Variants in SLC35F5 observed in about 807,000 individuals in gnomAD.
SLC35F5 encodes the protein HCV NS5A-transactivated protein 3.
A neutral mutation model predicts 68.6 loss-of-function variants in SLC35F5; 54 were observed. The ratio of observed to expected loss-of-function variants is 0.79; its 90% CI spans 0.63 to 0.99. SLC35F5 has a LOEUF of 0.99. Among genes scored for constraint, SLC35F5 ranks in the 50% least tolerant of loss-of-function variants. SLC35F5 has a pLI of 0.00. For synonymous variants in SLC35F5, 211 were observed against 205.2 expected (o/e 1.03, Z -0.24); for missense variants, 567 against 626.9 (o/e 0.90, Z 1.02).
intron 9 of SLC35F5, chr2:113,733,516 T>C (rs923367796): frequency 2.4e-5 from 5 of 207,456 alleles, no homozygotes; most frequent in Non-Finnish European, 5.4e-5. Context: ...TGCAAAAATT[T>C]GCTCGGCTTA....
At position 113,734,565 on chromosome 2, in the gene SLC35F5, G is replaced by C. The variant is rs769806719; in HGVS notation, c.920+21C>G. ...TTGTATTTTTAAGCAGAGCAAACTA[G>C]CTATCACACTATATGCTTACCTTAA... On this transcript the variant is annotated intron_variant, in intron 9 of 15. Coordinates refer to ENST00000245680, the MANE Select transcript of SLC35F5 (RefSeq NM_025181.5). 16 of 1,333,714 alleles carry C rather than the reference G, an allele frequency of 1.2e-5. No homozygotes were observed. In the East Asian group the frequency reaches 3.5e-4, roughly 29 times the overall value. The allele number at this position is 1,333,714 out of a possible 1,614,324, so 82.6% of individuals were successfully genotyped here.
intron 7 of SLC35F5, chr2:113,742,289 C>T (rs1676306249): frequency 5.3e-6 from 1 of 190,456 alleles, no homozygotes; most frequent in Non-Finnish European, 1.1e-5. Context: ...AACTGCAAAA[C>T]ACTTATTTGA....
Position 113,755,299 on chromosome 2 carries a change from T to G in SLC35F5, c.139A>C (p.Met47Leu), listed in dbSNP as rs190986421. 54 of 1,613,988 alleles carry G rather than the reference T, an allele frequency of 3.3e-5. No homozygotes were observed. Among genetic ancestry groups the G allele is most frequent in the Non-Finnish European group, 1.4e-5 (17 of 1,179,928 alleles). The change falls in exon 3 of 16, where the codon ATG (methionine) becomes CTG (leucine). Residue 47 changes from methionine to leucine, a missense_variant. Transcript: ENST00000245680. The part of the protein sequence containing the change: ...LRRALKTRLQ[M>L]VCVFVMNRMN... ...CGGTTCATGACAAATACACACACCA[T>G]TTGCAGTCTGTTTTTTAGAAAATAC...
At chr2:113,746,113 C>A (rs1370651800) in intron 5 of SLC35F5, among the ~76,000 whole-genome samples, 164 bp downstream of exon 5, 1 of 152,066 alleles carries the variant, frequency 6.6e-6, no homozygotes, top group African/African-American at 2.4e-5. Flanking sequence ...CCCAGGTAAC[C>A]CTAAGGAGAA....
rs1188360850 is a variant in SLC35F5, at chr2:113,709,642, G to A, written c.*5576C>T. On this transcript the variant is annotated 3_prime_UTR_variant, in exon 16 of 16. Transcript: ENST00000245680. ...TAATGAGGAACAGAAGGAATCCAAC[G>A]TCAGAGTTAGTGCTCTTCTCAGAGT... Among the ~76,000 whole-genome samples the A allele has an allele frequency of 6.6e-6, 1 of 152,160 alleles. No homozygotes were observed. The highest frequency in any genetic ancestry group is 1.5e-5 in the Non-Finnish European group (1 of 68,030).
chr2:113,714,556 G>T lies in SLC35F5; in HGVS notation c.*662C>A, dbSNP rs953680957. The stretch of plus-strand genomic sequence containing the variant: ...AATAATACTTCCCCTTTAAAAATTT[G>T]CCATGGTTTGTCACAGATTTAAAAT... On this transcript the variant is annotated 3_prime_UTR_variant, in exon 16 of 16. Coordinates refer to ENST00000245680, the MANE Select transcript of SLC35F5 (RefSeq NM_025181.5). 1.3e-5 allele frequency: 2 copies of T among 151,888 alleles called. No homozygotes were observed. Among genetic ancestry groups the T allele is most frequent in the African/African-American group, 4.8e-5 (2 of 41,376 alleles). The allele number at this position is 151,888 out of a possible 1,614,324, so 9.4% of individuals were successfully genotyped here.
At chr2:113,715,720 A>G (rs1298443085) in intron 15 of SLC35F5, among the ~76,000 whole-genome samples, 1 of 152,164 alleles carries the variant, frequency 6.6e-6, no homozygotes, top group Non-Finnish European at 1.5e-5. Context: ...AGGTCCCCGA[A>G]TAACATTTTT....
chr2:113,733,132 T>G (rs1687959617), intron 9 of SLC35F5, among the ~76,000 whole-genome samples: 1 of 152,210 alleles, frequency 6.6e-6, no homozygotes, highest in Non-Finnish European at 1.5e-5. Flanking sequence ...AACACTTTTT[T>G]TTAAAGGTAC....
Position 113,709,196 on chromosome 2 carries a change from T to A in SLC35F5, c.*6022A>T, listed in dbSNP as rs1276432857. ...AAAACTATGGCCTATGTGGTGTCAC[T>A]GTTATTCACTCTTTACAAAGCACTA... On this transcript the variant is annotated 3_prime_UTR_variant, in exon 16 of 16. Coordinates refer to ENST00000245680, the MANE Select transcript of SLC35F5 (RefSeq NM_025181.5). 1.3e-5 allele frequency among the ~76,000 whole-genome samples: 2 copies of A among 151,712 alleles called. No homozygotes were observed. Among genetic ancestry groups the A allele is most frequent in the East Asian group, 3.9e-4 (2 of 5,172 alleles).
chr2:113,734,488 C>A, intron 9 of SLC35F5, 98 bp downstream of exon 9: 1 of 681,616 alleles, frequency 1.5e-6, no homozygotes, highest in Non-Finnish European at 2.5e-6. Flanking sequence ...CCACATCTTT[C>A]TTTGCTCTTA....
chr2:113,748,830 G>A (rs1192126513), intron 4 of SLC35F5, among the ~76,000 whole-genome samples: 3 of 73,796 alleles, frequency 4.1e-5, no homozygotes, highest in East Asian at 2.3e-4. Context: ...ATTTTGAGAC[G>A]GAGTTTCACT....
chr2:113,711,858 G>GA lies in SLC35F5; in HGVS notation c.*3359dup, dbSNP rs1276783459. ...CATTTCATTTATTTGCTAATATGTG[G>GA]AAAAAAATTTTCTAATTAATTCCTC... On this transcript the variant is annotated 3_prime_UTR_variant, in exon 16 of 16. Coordinates refer to ENST00000245680, the MANE Select transcript of SLC35F5 (RefSeq NM_025181.5). Among the ~76,000 whole-genome samples the GA allele has an allele frequency of 6.6e-6, 1 of 152,044 alleles. No individual in the cohort carries two copies. The highest frequency in any genetic ancestry group is 2.4e-5 in the African/African-American group (1 of 41,388).
At position 113,756,589 on chromosome 2, in the gene SLC35F5, G is replaced by T. The variant is rs888364627; in HGVS notation, c.-180C>A. ...CACTCGGCCCAGGAGGGCGTGGAGC[G>T]GGTGAGGGGAAGGGACGGCACAGTC... On this transcript the variant is annotated 5_prime_UTR_variant, in exon 1 of 16. Coordinates refer to ENST00000245680, the MANE Select transcript of SLC35F5 (RefSeq NM_025181.5). 7.1e-7 allele frequency: 1 copy of T among 1,418,254 alleles called. No individual in the cohort carries two copies. Among genetic ancestry groups the T allele is most frequent in the Non-Finnish European group, 9.2e-7 (1 of 1,086,198 alleles). The allele number at this position is 1,418,254 out of a possible 1,614,324, so 87.9% of individuals were successfully genotyped here.
chr2:113,739,767 T>TA (rs1048289878), intron 7 of SLC35F5, among the ~76,000 whole-genome samples: 1 of 151,990 alleles, frequency 6.6e-6, no homozygotes, highest in African/African-American at 2.4e-5. Flanking sequence ...CCTCAGGCAA[T>TA]AAAAAATCTG....
At chr2:113,745,887 C>T (rs958274547) in intron 5 of SLC35F5, among the ~76,000 whole-genome samples, 66 of 152,274 alleles carry the variant, frequency 4.3e-4, no homozygotes, top group African/African-American at 1.4e-3. Context: ...ACGTGTTTAA[C>T]ACAGATTTGT....
chr2:113,719,978 A>G (rs1246124544), intron 13 of SLC35F5, among the ~76,000 whole-genome samples: 2 of 152,000 alleles, frequency 1.3e-5, no homozygotes, highest in Non-Finnish European at 2.9e-5. Context: ...TGATCCTCCA[A>G]TCCATCATTT....
intron 3 of SLC35F5, 87 bp downstream of exon 3, chr2:113,755,078 G>A (rs1025839154): frequency 2.3e-5 from 31 of 1,339,334 alleles, no homozygotes; most frequent in Non-Finnish European, 3.1e-5. Flanking sequence ...TTAGAAAGCA[G>A]GAGATTGTAA....
intron 5 of SLC35F5, among the ~76,000 whole-genome samples, chr2:113,744,428 T>G (rs1286097533): frequency 2.6e-5 from 4 of 152,210 alleles, no homozygotes; most frequent in African/African-American, 9.6e-5. Flanking sequence ...GTTAAACATA[T>G]ATTTCTCATT....
At position 113,719,323 on chromosome 2, in the gene SLC35F5, T is replaced by C; in HGVS notation, c.1342-15A>G. On this transcript the variant is annotated splice_polypyrimidine_tract_variant and intron_variant, in intron 13 of 15. Transcript: ENST00000245680. ...GAAAACTGCACCTAAAAATAAAAGA[T>C]AGAGGAAAAAACACACCCACAATTA... 1.3e-6 allele frequency: 2 copies of C among 1,542,290 alleles called. No individual in the cohort carries two copies. The highest frequency in any genetic ancestry group is 2.3e-5 in the East Asian group (1 of 43,738).
Sources: allele counts gnomAD v4.1 joint callset (sites outside exome capture counted in the v4.1 genomes callset), GRCh38; gene constraint gnomAD v4.1.1; transcripts MANE v1.5; gene names NCBI Gene and HGNC (gene_info 2026-07-23, HGNC 2026-07-21).